The following SLC35A1 variants were observed in gnomAD, a reference collection of about 807,000 sequenced individuals.
SLC35A1 encodes the protein solute carrier family 35 member A1, also known as CMP-sialic acid transporter.
SLC35A1 carries 21 observed loss-of-function variants against 40.3 expected under a neutral mutation model. The observed-to-expected ratio is 0.52, with a 90% CI of 0.37 to 0.75. The LOEUF is 0.75. Ranked by LOEUF, SLC35A1 falls within the 30% of genes least tolerant of loss-of-function variation. The pLI, the probability that SLC35A1 is intolerant of heterozygous loss-of-function variation, is 0.00. For missense variants in SLC35A1, 297 were observed against 382.1 expected, an observed-to-expected ratio of 0.78 and a Z score of 1.86; for synonymous variants, 146 against 147.3, an observed-to-expected ratio of 0.99 and a Z score of 0.06.
chr6:87,477,500 A>C lies in SLC35A1; in HGVS notation c.155A>C (p.Glu52Ala), dbSNP rs1460455277. ...YFSTTAVCIT[E>A]VIKLLLSVGI... Reference sequence around the variant, plus strand: ...TCAACCACAGCCGTGTGTATCACAGAAGTTATAAAGTTATTGCTAAGTGTG... The same window carrying C: ...TCAACCACAGCCGTGTGTATCACAGCAGTTATAAAGTTATTGCTAAGTGTG... The change falls in exon 2 of 8, where the codon GAA (glutamate) becomes GCA (alanine). Residue 52 changes from glutamate to alanine, a missense_variant. Physicochemically the swap from Glu to Ala is moderately radical, Grantham distance 107. Transcript: ENST00000369552. The C allele has an allele frequency of 6.2e-7, 1 of 1,614,110 alleles. No homozygotes were observed. The highest frequency in any genetic ancestry group is 1.1e-5 in the South Asian group (1 of 91,084).
chr6:87,494,073 CCT>C (rs1491522322), intron 2 of SLC35A1, among the ~76,000 whole-genome samples: 4 of 104,438 alleles, frequency 3.8e-5, no homozygotes, highest in African/African-American at 1.4e-4. Flanking sequence ...ACCCCACTTT[CCT>C]TTTTTTTTTT....
At chr6:87,486,062 T>C (rs950796162) in intron 2 of SLC35A1, among the ~76,000 whole-genome samples, 1 of 152,250 alleles carries the variant, frequency 6.6e-6, no homozygotes, top group Non-Finnish European at 1.5e-5. Flanking sequence ...AGTATTATAC[T>C]AGAACTTCAA....
At chr6:87,497,894 GT>G (rs11304517) in intron 2 of SLC35A1, among the ~76,000 whole-genome samples, 54,392 of 142,802 alleles carry the variant, frequency 0.38, 9,989 homozygotes, top group Admixed American at 0.46. Flanking sequence ...ACTCCTGGCA[GT>G]TTTTTTTTTT....
chr6:87,492,280 T>C (rs1298966194), intron 2 of SLC35A1, among the ~76,000 whole-genome samples: 3 of 152,182 alleles, frequency 2.0e-5, no homozygotes, highest in Non-Finnish European at 4.4e-5. Flanking sequence ...ACTTCAGTCC[T>C]GTCCAGGATT....
At chr6:87,499,269 C>T in intron 2 of SLC35A1, 1 of 222,438 alleles carries the variant, frequency 4.5e-6, no homozygotes, top group South Asian at 1.6e-4. Context: ...ACTGTTGATT[C>T]TAATATATTA....
chr6:87,492,149 A>G (rs980602913), intron 2 of SLC35A1, among the ~76,000 whole-genome samples: 2 of 152,190 alleles, frequency 1.3e-5, no homozygotes, highest in Non-Finnish European at 2.9e-5. Context: ...TATAATCAAT[A>G]AAATTATCGA....
chr6:87,508,411 T>G lies in SLC35A1; in HGVS notation c.575-9T>G. The G allele has an allele frequency of 6.4e-7, 1 of 1,564,046 alleles. No homozygotes were observed. Among genetic ancestry groups the G allele is most frequent in the African/African-American group, 1.4e-5 (1 of 73,918 alleles). On this transcript the variant is annotated splice_polypyrimidine_tract_variant and intron_variant, in intron 5 of 7. Coordinates refer to ENST00000369552, the MANE Select transcript of SLC35A1 (RefSeq NM_006416.5). ...ATCTTTAATATTTGCATGTCTAATT[T>G]TCTTTCAGGAGTATATTTTGAAAAA...
chr6:87,474,310 CAG>C (rs1339718904), intron 1 of SLC35A1, among the ~76,000 whole-genome samples: 1 of 152,218 alleles, frequency 6.6e-6, no homozygotes, highest in Non-Finnish European at 1.5e-5. Flanking sequence ...CTGGGACTTA[CAG>C]AATTTCTAAG....
At position 87,511,526 on chromosome 6, in the gene SLC35A1, AT is replaced by A. The variant is rs1404627365; in HGVS notation, c.*4del. ...CAAAGGAGAGAGTTATTGGTGTGTG[AT>A]TTTAGCCTCACGTGAGACTCCTTTT... On this transcript the variant is annotated 3_prime_UTR_variant, in exon 8 of 8. Transcript: ENST00000369552. The A allele has an allele frequency of 1.4e-5, 23 of 1,614,024 alleles. No individual in the cohort carries two copies. Among genetic ancestry groups the A allele is most frequent in the Non-Finnish European group, 1.9e-5 (23 of 1,179,952 alleles).
chr6:87,503,737 T>G (rs1218095393), intron 4 of SLC35A1, among the ~76,000 whole-genome samples: 3 of 152,078 alleles, frequency 2.0e-5, no homozygotes, highest in Non-Finnish European at 4.4e-5. Flanking sequence ...AACAATAATA[T>G]GCAAGTCTGT....
At chr6:87,500,730 A>C (rs1769892598) in intron 3 of SLC35A1, 63 bp downstream of exon 3, 1 of 1,524,326 alleles carries the variant, frequency 6.6e-7, no homozygotes, top group African/African-American at 1.4e-5. Context: ...GTTTTTATTA[A>C]CTCTTTATCA....
chr6:87,480,851 T>TG (rs1318109227), intron 2 of SLC35A1, among the ~76,000 whole-genome samples: 1 of 152,148 alleles, frequency 6.6e-6, no homozygotes, highest in Non-Finnish European at 1.5e-5. Context: ...GTAATGGTGC[T>TG]TGCTTGACTC....
chr6:87,486,684 A>G lies in SLC35A1; in HGVS notation c.194+9145A>G, dbSNP rs1582174571. 5.3e-5 allele frequency among the ~76,000 whole-genome samples: 8 copies of G among 152,204 alleles called. No homozygotes were observed. The South Asian group carries it at 1.7e-3, about 31-fold the overall frequency. Reference sequence around the variant, plus strand: ...TTTCCTCTCTGAGGAAGTTACGTTTAAACCTAGACCTGTCAATTGAGTAGA... The same window carrying G: ...TTTCCTCTCTGAGGAAGTTACGTTTGAACCTAGACCTGTCAATTGAGTAGA... On this transcript the variant is annotated intron_variant, in intron 2 of 7. Coordinates refer to ENST00000369552, the MANE Select transcript of SLC35A1 (RefSeq NM_006416.5).
chr6:87,502,435 ACAT>A (rs150318904), intron 4 of SLC35A1, among the ~76,000 whole-genome samples: 2,367 of 152,270 alleles, frequency 0.016, 56 homozygotes, highest in African/African-American at 0.053. Context: ...TGTTGTGCAA[ACAT>A]CATGGAGTAT....
In SLC35A1 at chr6:87,493,250, C is replaced by A. The variant is rs535115506; in HGVS notation, c.195-7258C>A. On this transcript the variant is annotated intron_variant, in intron 2 of 7. Transcript: ENST00000369552. ...AGTTTCTTTTTAGCATATCTTGTTA[C>A]AGGCTTTTCTTGTACTTTCCCTGCC... Among the ~76,000 whole-genome samples, 6 of 152,274 alleles carry A rather than the reference C, an allele frequency of 3.9e-5. No homozygotes were observed. The Middle Eastern group carries it at 0.014, about 345-fold the overall frequency.
chr6:87,478,581 A>G (rs930972176), intron 2 of SLC35A1, among the ~76,000 whole-genome samples: 1 of 152,212 alleles, frequency 6.6e-6, no homozygotes, highest in East Asian at 1.9e-4. Context: ...TGATTGCTTC[A>G]GCTTCAGCAG....
At chr6:87,496,011 TTA>T (rs1403103653) in intron 2 of SLC35A1, 1 of 152,182 alleles carries the variant, frequency 6.6e-6, no homozygotes, top group African/African-American at 2.4e-5. Context: ...GATAAGAAAT[TTA>T]TAAACAAAAT....
intron 2 of SLC35A1, among the ~76,000 whole-genome samples, chr6:87,493,073 A>G (rs774974967): frequency 1.9e-4 from 29 of 151,796 alleles, no homozygotes; most frequent in Non-Finnish European, 3.8e-4. Flanking sequence ...TTGGCATTCT[A>G]CTCTAGAAAT....
chr6:87,475,501 C>T (rs1769043844), intron 1 of SLC35A1, among the ~76,000 whole-genome samples: 1 of 152,174 alleles, frequency 6.6e-6, no homozygotes, highest in African/African-American at 2.4e-5. Context: ...GATTTTTTGG[C>T]TCCTCAGATC....
Sources: allele counts gnomAD v4.1 joint callset (sites outside exome capture counted in the v4.1 genomes callset), GRCh38; gene constraint gnomAD v4.1.1; transcripts MANE v1.5; gene names NCBI Gene and HGNC (gene_info 2026-07-23, HGNC 2026-07-21).